The following SPATA6L variants were observed in gnomAD, a reference collection of about 807,000 sequenced individuals.
SPATA6L encodes spermatogenesis associated 6-like protein.
A neutral mutation model predicts 49.2 loss-of-function variants in SPATA6L; 68 were observed. The observed-to-expected ratio is 1.38, with a 90% CI of 1.14 to 1.69. The LOEUF (loss-of-function observed/expected upper bound fraction) is 1.69, where lower values mean the gene tolerates loss of function less well. SPATA6L is among the 40% of genes most tolerant of loss of function. The probability of loss-of-function intolerance (pLI) is 0.00; values close to 1 mark genes in which losing one functional copy is unlikely to be tolerated. For missense variants in SPATA6L, 668 were observed against 464.3 expected (o/e 1.44, Z -4.03); for synonymous variants, 198 against 165.7 (o/e 1.19, Z -1.50).
intron 5 of SPATA6L, chr9:4,626,436 C>T (rs1002679154): frequency 2.8e-5 from 36 of 1,304,210 alleles, no homozygotes; most frequent in Non-Finnish European, 3.5e-5. Flanking sequence ...CTTCGAATTC[C>T]TGAAGAAGCA....
At chr9:4,594,227 T>C (rs536742561), downstream of SPATA6L, among the ~76,000 whole-genome samples, 18 of 152,312 alleles carry the variant, frequency 1.2e-4, no homozygotes, top group South Asian at 3.5e-3. Flanking sequence ...TTGTTTTTTG[T>C]TTTTCGGAGT....
chr9:4,609,797 G>T (rs891916343), intron 9 of SPATA6L, among the ~76,000 whole-genome samples: 7 of 151,658 alleles, frequency 4.6e-5, no homozygotes, highest in African/African-American at 1.7e-4. Flanking sequence ...TCTGGCCAGG[G>T]CAATTAGGCA....
chr9:4,659,711 G>A (rs1011361857), intron 2 of SPATA6L, among the ~76,000 whole-genome samples: 4 of 152,098 alleles, frequency 2.6e-5, no homozygotes, highest in African/African-American at 7.2e-5. Context: ...AAAAGAGCCC[G>A]CATTGCCAAG....
intron 5 of SPATA6L, chr9:4,628,246 A>G (rs567961201): frequency 1.2e-4 from 22 of 184,748 alleles, no homozygotes; most frequent in African/African-American, 4.6e-4. Flanking sequence ...TAAAATAACT[A>G]AAAGAATATA....
chr9:4,649,196 AT>A (rs1564296719), intron 3 of SPATA6L, among the ~76,000 whole-genome samples: 1 of 152,116 alleles, frequency 6.6e-6, no homozygotes. Flanking sequence ...GTGTGTAAGT[AT>A]TTTTTTCATA....
At chr9:4,613,126 G>A (rs1399944752) in intron 9 of SPATA6L, among the ~76,000 whole-genome samples, 1 of 151,912 alleles carries the variant, frequency 6.6e-6, no homozygotes, top group East Asian at 1.9e-4. Context: ...ATACCAGGAG[G>A]CTGAGGCATG....
chr9:4,628,131 G>A, intron 5 of SPATA6L: 2 of 219,956 alleles, frequency 9.1e-6, no homozygotes, highest in South Asian at 5.8e-5. Flanking sequence ...AGGGGGAGTG[G>A]GGATGGTTAA....
At chr9:4,656,149 A>G (rs1838126415) in intron 2 of SPATA6L, 60 bp from the exon 3 acceptor site, 20 of 1,403,704 alleles carry the variant, frequency 1.4e-5, no homozygotes, top group Non-Finnish European at 1.9e-5. Flanking sequence ...GCATATAGAA[A>G]CTGTAAATGC....
chr9:4,598,985 T>C lies in SPATA6L; in HGVS notation c.*1826A>G, dbSNP rs1005387746. On this transcript the variant is annotated 3_prime_UTR_variant, in exon 12 of 12. Coordinates refer to ENST00000682582, the MANE Select transcript of SPATA6L (RefSeq NM_001353486.2). ...GTATTTTAAACTTGGGTTTTGGTTT[T>C]TGTTTTTGTATTTTGGAATATTTAC... Among the ~76,000 whole-genome samples the C allele has an allele frequency of 3.9e-5, 6 of 152,256 alleles. No homozygotes were observed. The highest frequency in any genetic ancestry group is 7.3e-5 in the Non-Finnish European group (5 of 68,046).
chr9:4,636,369 A>G (rs1001790265), intron 3 of SPATA6L, among the ~76,000 whole-genome samples: 4 of 152,182 alleles, frequency 2.6e-5, no homozygotes, highest in Non-Finnish European at 5.9e-5. Flanking sequence ...GTATAAGTTG[A>G]TTATATTAAC....
chr9:4,663,705 C>G (rs1840399373), intron 1 of SPATA6L: 1 of 170,162 alleles, frequency 5.9e-6, no homozygotes, highest in South Asian at 2.0e-4. Context: ...TAATCCTAGT[C>G]CTTTTCCTGA....
chr9:4,635,515 A>G lies in SPATA6L; in HGVS notation c.227-116T>C, dbSNP rs1284302084. On this transcript the variant is annotated intron_variant, in intron 3 of 11. Coordinates refer to ENST00000682582, the MANE Select transcript of SPATA6L (RefSeq NM_001353486.2). ...CACTCAGGTAAAAATAGACATATTG[A>G]TCCTAGCACATGTTATTCAAGAGGA... 5.4e-5 allele frequency: 53 copies of G among 975,458 alleles called. 1 individual carries two copies. The highest frequency in any genetic ancestry group is 2.9e-6 in the Non-Finnish European group (2 of 689,982). 60.4% of individuals were successfully genotyped at this position (975,458 alleles called of 1,614,324 possible). A position where few individuals can be genotyped will look rare whatever the true frequency, so the allele number is the denominator to read the frequency against.
chr9:4,626,753 C>A (rs959944259), intron 5 of SPATA6L: 3 of 332,404 alleles, frequency 9.0e-6, no homozygotes, highest in South Asian at 8.2e-5. Flanking sequence ...AAATGAATGG[C>A]CAGACAGATT....
At chr9:4,610,513 C>T (rs1304385794) in intron 9 of SPATA6L, among the ~76,000 whole-genome samples, 1 of 139,476 alleles carries the variant, frequency 7.2e-6, no homozygotes, top group Non-Finnish European at 1.6e-5. Flanking sequence ...ACTATCTGAT[C>T]TTTGACAAAC....
chr9:4,635,099 A>G (rs2030613674), intron 4 of SPATA6L, among the ~76,000 whole-genome samples, 176 bp downstream of exon 4: 1 of 152,216 alleles, frequency 6.6e-6, no homozygotes, highest in Non-Finnish European at 1.5e-5. Context: ...CACCTCTCAG[A>G]TCAATACTGG....
chr9:4,603,039 T>C (rs1823755646), intron 11 of SPATA6L, among the ~76,000 whole-genome samples: 1 of 152,230 alleles, frequency 6.6e-6, no homozygotes, highest in Non-Finnish European at 1.5e-5. Flanking sequence ...AACGATGATG[T>C]CCCACAATGT....
intron 9 of SPATA6L, among the ~76,000 whole-genome samples, chr9:4,607,610 C>G (rs1226131237): frequency 2.6e-5 from 4 of 151,952 alleles, no homozygotes; most frequent in African/African-American, 9.7e-5. Context: ...ATTTTGTCAC[C>G]ACCAGGCCTG....
intron 7 of SPATA6L, among the ~76,000 whole-genome samples, chr9:4,620,609 A>T (rs935850019): frequency 6.6e-6 from 1 of 152,224 alleles, no homozygotes; most frequent in African/African-American, 2.4e-5. Context: ...GGCTGGCTTG[A>T]AAGCTACAGG....
intron 6 of SPATA6L, chr9:4,625,107 T>A: frequency 1.4e-6 from 1 of 695,582 alleles, no homozygotes; most frequent in Non-Finnish European, 2.1e-6. Flanking sequence ...TAGGGATGGC[T>A]GACATTTACT....
Sources: gnomAD v4.1 joint callset for allele counts (sites outside exome capture counted in the v4.1 genomes callset) on GRCh38, gnomAD v4.1.1 for gene constraint, MANE v1.5 for transcripts, NCBI Gene and HGNC (gene_info 2026-07-23, HGNC 2026-07-21) for gene names.